MRTFB: variants seen among roughly 807,000 people sequenced by gnomAD.
MRTFB encodes myocardin-related transcription factor B.
In MRTFB, 29 loss-of-function variants were observed where a neutral mutation model predicts 104.2. The ratio of observed to expected loss-of-function variants is 0.28; its 90% CI spans 0.21 to 0.38. MRTFB has a LOEUF of 0.38. MRTFB is among the 10% of genes least tolerant of loss of function. MRTFB has a pLI of 1.00. For synonymous variants in MRTFB, 535 were observed against 519.5 expected, an observed-to-expected ratio of 1.03 and a Z score of -0.41; for missense variants, 1,270 against 1,341.6, an observed-to-expected ratio of 0.95 and a Z score of 0.83.
chr16:14,199,594 C>G (rs2151101674), intron 3 of MRTFB, among the ~76,000 whole-genome samples: 1 of 152,316 alleles, frequency 6.6e-6, no homozygotes, highest in Admixed American at 6.5e-5. Context: ...TCTTTGTGAC[C>G]TCTTCCTCCT....
intron 2 of MRTFB, among the ~76,000 whole-genome samples, chr16:14,112,703 G>T (rs1039880283): frequency 6.6e-6 from 1 of 152,170 alleles, no homozygotes; most frequent in African/African-American, 2.4e-5. Context: ...TGGCCTGCTT[G>T]GTGTGTTGAG....
chr16:14,208,561 A>G (rs909471849), intron 3 of MRTFB, among the ~76,000 whole-genome samples: 1 of 152,174 alleles, frequency 6.6e-6, no homozygotes, highest in African/African-American at 2.4e-5. Flanking sequence ...TCAACCTTTG[A>G]TCTGGAGAAC....
intron 2 of MRTFB, among the ~76,000 whole-genome samples, chr16:14,108,084 A>G (rs1414623642): frequency 1.3e-5 from 2 of 152,146 alleles, no homozygotes; most frequent in African/African-American, 4.8e-5. Flanking sequence ...CTTAGAGTAA[A>G]TTGAGCTAAT....
Position 14,236,525 on chromosome 16 carries a change from G to A in MRTFB, c.831+2242G>A, listed in dbSNP as rs528563517. Among the ~76,000 whole-genome samples, 10 of 152,354 alleles carry A rather than the reference G, an allele frequency of 6.6e-5. No individual in the cohort carries two copies. In the South Asian group the frequency reaches 2.1e-3, roughly 32 times the overall value. ...TGTGCCGGGTGGTGATGAATAATGTGATGATGGGGGTGCTGGGGAGATAAG... is the reference window on the plus strand; with the variant it reads ...TGTGCCGGGTGGTGATGAATAATGTAATGATGGGGGTGCTGGGGAGATAAG... On this transcript the variant is annotated intron_variant, in intron 9 of 16. Coordinates refer to ENST00000571589, the MANE Select transcript of MRTFB (RefSeq NM_001308142.2).
chr16:14,127,923 A>AT (rs1567355881), intron 2 of MRTFB, among the ~76,000 whole-genome samples: 46 of 39,114 alleles, frequency 1.2e-3, no homozygotes, highest in African/African-American at 7.4e-3. Flanking sequence ...ATATATATAT[A>AT]TATATATTTT....
chr16:14,000,406 A>C, the MRTFB span, among the ~76,000 whole-genome samples: 24 of 152,198 alleles, frequency 1.6e-4, no homozygotes, highest in Non-Finnish European at 3.2e-4. Flanking sequence ...TTTATCCTGC[A>C]AATCACCTTT....
chr16:14,117,535 G>A (rs2036603949), intron 2 of MRTFB, among the ~76,000 whole-genome samples: 1 of 152,202 alleles, frequency 6.6e-6, no homozygotes, highest in Non-Finnish European at 1.5e-5. Flanking sequence ...ATGGAGAAAG[G>A]GACAATGTCT....
intron 2 of MRTFB, among the ~76,000 whole-genome samples, chr16:14,085,967 A>G (rs1172211767): frequency 6.6e-6 from 1 of 152,234 alleles, no homozygotes; most frequent in Non-Finnish European, 1.5e-5. Context: ...TAGGTAGGAA[A>G]CTAGATCTTG....
chr16:14,146,878 G>C (rs999504544), intron 3 of MRTFB, among the ~76,000 whole-genome samples: 1 of 152,152 alleles, frequency 6.6e-6, no homozygotes, highest in African/African-American at 2.4e-5. Context: ...GGGAGAAAGA[G>C]GAAATTTCTA....
intron 2 of MRTFB, among the ~76,000 whole-genome samples, chr16:14,085,925 G>A (rs1471105359): frequency 6.6e-6 from 1 of 152,034 alleles, no homozygotes; most frequent in Non-Finnish European, 1.5e-5. Context: ...GTGTGTTTTT[G>A]TTGTTGTCAA....
chr16:14,189,506 T>C (rs1214645652), intron 3 of MRTFB, among the ~76,000 whole-genome samples: 2 of 152,250 alleles, frequency 1.3e-5, no homozygotes, highest in Non-Finnish European at 2.9e-5. Flanking sequence ...TGTGCTGTTT[T>C]GTCAAAAGAG....
the MRTFB span, among the ~76,000 whole-genome samples, chr16:14,000,602 A>G: frequency 1.3e-5 from 2 of 152,184 alleles, no homozygotes; most frequent in African/African-American, 4.8e-5. Flanking sequence ...ATCTTCAATC[A>G]GGAGTAAAAG....
At chr16:14,102,283 G>A (rs1393894795) in intron 2 of MRTFB, among the ~76,000 whole-genome samples, 1 of 152,208 alleles carries the variant, frequency 6.6e-6, no homozygotes, top group African/African-American at 2.4e-5. Flanking sequence ...TTTTGTGACA[G>A]TGCAAGAACC....
In MRTFB at chr16:14,261,607, ATTTC is replaced by A; in HGVS notation, c.*164_*167del. On this transcript the variant is annotated 3_prime_UTR_variant, in exon 17 of 17. Transcript: ENST00000571589. The stretch of plus-strand genomic sequence containing the variant: ...TAGCCTGGAACCCAAGTTTGAAAAC[ATTTC>A]ATTGTGTTCAGTAGTGAATTTCTAC... 1 of 684,522 alleles carries A rather than the reference ATTTC, an allele frequency of 1.5e-6. No homozygotes were observed. The highest frequency in any genetic ancestry group is 2.4e-6 in the Non-Finnish European group (1 of 424,816). The allele number at this position is 684,522 out of a possible 1,614,324, so 42.4% of individuals were successfully genotyped here.
the MRTFB span, chr16:14,012,943 A>G: frequency 6.6e-6 from 1 of 152,196 alleles, no homozygotes; most frequent in East Asian, 1.9e-4. Flanking sequence ...GAATAAGCTT[A>G]ATACGTTATC....
chr16:14,152,201 A>T (rs1167117830), intron 3 of MRTFB: 1 of 152,168 alleles, frequency 6.6e-6, no homozygotes, highest in African/African-American at 2.4e-5. Flanking sequence ...AATCTATGTC[A>T]TAATCACATC....
At chr16:14,145,680 A>G (rs1291144273) in intron 3 of MRTFB, among the ~76,000 whole-genome samples, 1 of 152,260 alleles carries the variant, frequency 6.6e-6, no homozygotes, top group Admixed American at 6.5e-5. Context: ...ATGGATATAC[A>G]GAAACACATG....
chr16:14,205,407 A>G (rs2040896569), intron 3 of MRTFB, among the ~76,000 whole-genome samples: 1 of 152,190 alleles, frequency 6.6e-6, no homozygotes, highest in South Asian at 2.1e-4. Flanking sequence ...ATCTGGAAAT[A>G]TACAGCTCTT....
chr16:14,215,944 T>A (rs543463396), intron 6 of MRTFB, among the ~76,000 whole-genome samples: 1 of 152,392 alleles, frequency 6.6e-6, no homozygotes, highest in African/African-American at 2.4e-5. Context: ...AGTGATTTTT[T>A]AAATGACTCA....
Sources: allele counts gnomAD v4.1 joint callset (sites outside exome capture counted in the v4.1 genomes callset), GRCh38; gene constraint gnomAD v4.1.1; transcripts MANE v1.5; gene names NCBI Gene and HGNC (gene_info 2026-07-23, HGNC 2026-07-21).